The following USP31 variants were observed in gnomAD, a reference collection of about 807,000 sequenced individuals.
The protein encoded by USP31 is ubiquitin carboxyl-terminal hydrolase 31.
Under a neutral mutation model 119.4 loss-of-function variants are expected in USP31, and 44 were observed. The observed-to-expected ratio is 0.37, with a 90% confidence interval of 0.29 to 0.47. USP31 has a LOEUF of 0.47. Ranked by LOEUF, USP31 falls within the 20% of genes least tolerant of loss-of-function variation. The probability of loss-of-function intolerance (pLI) is 0.99; values close to 1 mark genes in which losing one functional copy is unlikely to be tolerated. For missense variants in USP31, 1,643 were observed against 1,730.2 expected (o/e 0.95, Z 0.89); for synonymous variants, 749 against 705.6 (o/e 1.06, Z -0.97).
In USP31 at chr16:23,082,573, T is replaced by C; in HGVS notation, c.1831-16A>G. 1.2e-6 allele frequency: 2 copies of C among 1,613,742 alleles called. No individual in the cohort carries two copies. Among genetic ancestry groups the C allele is most frequent in the South Asian group, 1.1e-5 (1 of 91,040 alleles). Reference sequence around the variant, plus strand: ...CGGGGGCAAGCTGAAAACAGAAGCATGACTCCCGTTAAGTGCCACTTAATG... The same window carrying C: ...CGGGGGCAAGCTGAAAACAGAAGCACGACTCCCGTTAAGTGCCACTTAATG... On this transcript the variant is annotated splice_polypyrimidine_tract_variant and intron_variant, in intron 11 of 15. Coordinates refer to ENST00000219689, the MANE Select transcript of USP31 (RefSeq NM_020718.4).
chr16:23,070,646 G>A (rs369856797), intron 15 of USP31, among the ~76,000 whole-genome samples: 8 of 151,910 alleles, frequency 5.3e-5, no homozygotes, highest in South Asian at 2.1e-4. Flanking sequence ...CCTGGTAGGC[G>A]GAGCTTGCAG....
intron 7 of USP31, 115 bp from the exon 8 acceptor site, chr16:23,087,950 T>C: frequency 1.2e-6 from 1 of 814,408 alleles, no homozygotes; most frequent in Non-Finnish European, 1.9e-6. Context: ...TTTAGGACAG[T>C]TCTCAAAATA....
chr16:23,100,212 C>T (rs530424722), intron 6 of USP31, among the ~76,000 whole-genome samples: 8 of 152,294 alleles, frequency 5.3e-5, no homozygotes, highest in Admixed American at 2.0e-4. Flanking sequence ...CACACAAAAA[C>T]TTGTGTGGAA....
chr16:23,072,068 G>A lies in USP31; in HGVS notation c.2465C>T (p.Thr822Ile). 6.2e-7 allele frequency: 1 copy of A among 1,613,498 alleles called. No individual in the cohort carries two copies. The highest frequency in any genetic ancestry group is 8.5e-7 in the Non-Finnish European group (1 of 1,179,708). ...ACCATCATCTTCACTCCTTTCTCCA[G>A]TCATCTCCACGGACTCAGAGAGCGA... is the stretch of plus-strand genomic sequence containing the variant. ...LASLSESVEM[T>I]GERSEDDGGF... The change falls in exon 15 of 16, where the codon ACT becomes ATT. Residue 822 changes from threonine (T) to isoleucine (I), a missense_variant. Transcript: ENST00000219689.
In USP31 at chr16:23,069,587, T is replaced by G; in HGVS notation, c.2518A>C (p.Ser840Arg). The G allele has an allele frequency of 6.2e-7, 1 of 1,610,042 alleles. No homozygotes were observed. Among genetic ancestry groups the G allele is most frequent in the Non-Finnish European group, 8.5e-7 (1 of 1,176,684 alleles). The part of the protein sequence containing the change: ...GGFSTRPFVR[S>R]VQRQSLSSRS... ...GATGACAAACTCTGACGCTGGACAC[T>G]TCTCACAAATGGTCGAGTTGAAAAG... Residue 840 changes from serine (S) to arginine (R), a missense_variant, in exon 16 of 16, where the codon AGT (serine) becomes CGT (arginine). Coordinates refer to ENST00000219689, the MANE Select transcript of USP31 (RefSeq NM_020718.4).
chr16:23,082,000 T>C (rs1900852435), intron 12 of USP31, among the ~76,000 whole-genome samples: 1 of 152,252 alleles, frequency 6.6e-6, no homozygotes, highest in South Asian at 2.1e-4. Context: ...GACAGCCTTT[T>C]TGGAAAAACT....
In USP31 at chr16:23,149,310, C is replaced by G. The variant is rs1456686577; in HGVS notation, c.-40G>C. The G allele has an allele frequency of 9.7e-7, 1 of 1,027,136 alleles. No homozygotes were observed. The highest frequency in any genetic ancestry group is 1.2e-6 in the Non-Finnish European group (1 of 858,930). 63.6% of individuals were successfully genotyped at this position (1,027,136 alleles called of 1,614,324 possible). Reference sequence around the variant, plus strand: ...ACACTCATCACCGCGCCCGCCCGCCCGGCCCGCGGCCCCGCCACGGCCGCC... The same window carrying G: ...ACACTCATCACCGCGCCCGCCCGCCGGGCCCGCGGCCCCGCCACGGCCGCC... On this transcript the variant is annotated 5_prime_UTR_variant, in exon 1 of 16. Coordinates refer to ENST00000219689, the MANE Select transcript of USP31 (RefSeq NM_020718.4).
chr16:23,102,744 G>C (rs891889151), intron 5 of USP31, among the ~76,000 whole-genome samples: 5 of 152,040 alleles, frequency 3.3e-5, no homozygotes, highest in Admixed American at 1.3e-4. Context: ...AAGGATGATT[G>C]AATGTATACT....
intron 1 of USP31, among the ~76,000 whole-genome samples, chr16:23,127,494 A>C (rs1410066934): frequency 6.6e-6 from 1 of 151,860 alleles, no homozygotes; most frequent in Non-Finnish European, 1.5e-5. Flanking sequence ...ATGGAGTCTC[A>C]CTCTGTCGTC....
intron 1 of USP31, among the ~76,000 whole-genome samples, chr16:23,126,087 G>A (rs115709763): frequency 0.025 from 3,788 of 151,978 alleles, 59 homozygotes; most frequent in African/African-American, 0.04. Flanking sequence ...AGGCCGAGAC[G>A]TGAGGATCAC....
At chr16:23,114,836 TTAA>T (rs762718426) in intron 1 of USP31, among the ~76,000 whole-genome samples, 21 of 152,170 alleles carry the variant, frequency 1.4e-4, no homozygotes, top group Non-Finnish European at 1.8e-4. Flanking sequence ...AAAGAAAATC[TTAA>T]TAACACAAAC....
intron 1 of USP31, among the ~76,000 whole-genome samples, chr16:23,115,388 T>C (rs903246804): frequency 7.2e-5 from 11 of 152,200 alleles, no homozygotes; most frequent in African/African-American, 2.7e-4. Context: ...CCAGGTGTGT[T>C]GGCTTATGCC....
intron 11 of USP31, among the ~76,000 whole-genome samples, chr16:23,083,696 G>T (rs1296174622): frequency 9.0e-3 from 33 of 3,662 alleles, no homozygotes; most frequent in African/African-American, 0.033. Flanking sequence ...CAAACCTGGC[G>T]GGGGGGGGGG....
chr16:23,104,964 C>T (rs1902032450), intron 5 of USP31, among the ~76,000 whole-genome samples: 1 of 152,180 alleles, frequency 6.6e-6, no homozygotes, highest in Non-Finnish European at 1.5e-5. Flanking sequence ...AGACTCTGGT[C>T]CAGCCGTAAT....
chr16:23,105,630 T>C, intron 4 of USP31, 54 bp from the exon 5 acceptor site: 5 of 1,473,238 alleles, frequency 3.4e-6, no homozygotes, highest in East Asian at 2.5e-5. Context: ...AACTAAAATA[T>C]AGAAGATGCA....
At chr16:23,090,865 T>C in intron 6 of USP31, 61 bp from the exon 7 acceptor site, 1 of 1,374,728 alleles carries the variant, frequency 7.3e-7, no homozygotes, top group Non-Finnish European at 9.5e-7. Flanking sequence ...TCACTCGTTA[T>C]GAAGAAATTT....
At chr16:23,087,337 C>T in intron 8 of USP31, 151 bp from the exon 9 acceptor site, 1 of 659,664 alleles carries the variant, frequency 1.5e-6, no homozygotes, top group East Asian at 2.8e-5. Context: ...TTGAGCCACT[C>T]TAATACACTT....
rs1451396461 is a variant in USP31, at chr16:23,069,605, T to A, written c.2500A>T (p.Thr834Ser). Reference sequence around the variant, plus strand: ...TGGACACTTCTCACAAATGGTCGAGTTGAAAAGCCTCCTGAACACAGTAAA... The same window carrying A: ...TGGACACTTCTCACAAATGGTCGAGATGAAAAGCCTCCTGAACACAGTAAA... ...ERSEDDGGFSTRPFVRSVQRQ... is the reference protein window; with the variant it reads ...ERSEDDGGFSSRPFVRSVQRQ... Residue 834 changes from threonine (T) to serine (S), a missense_variant, in exon 16 of 16, where the codon ACT (threonine) becomes TCT (serine). Transcript: ENST00000219689. 1 of 1,606,944 alleles carries A rather than the reference T, an allele frequency of 6.2e-7. No individual in the cohort carries two copies. Among genetic ancestry groups the A allele is most frequent in the Non-Finnish European group, 8.5e-7 (1 of 1,174,700 alleles).
chr16:23,101,995 A>C (rs1043414470), intron 6 of USP31, among the ~76,000 whole-genome samples: 1 of 148,818 alleles, frequency 6.7e-6, no homozygotes, highest in East Asian at 1.9e-4. Flanking sequence ...AAAAAAAAAA[A>C]CCTATGGCAT....
Sources: gnomAD v4.1 joint callset for allele counts (sites outside exome capture counted in the v4.1 genomes callset) on GRCh38, gnomAD v4.1.1 for gene constraint, MANE v1.5 for transcripts, NCBI Gene and HGNC (gene_info 2026-07-23, HGNC 2026-07-21) for gene names.